The following ODR4 variants were observed in gnomAD, a reference collection of about 807,000 sequenced individuals.
ODR4 encodes protein odr-4 homolog.
A neutral mutation model predicts 60.2 loss-of-function variants in ODR4; 47 were observed. The observed-to-expected ratio is 0.78, with a 90% CI of 0.62 to 1.00. The LOEUF is 1.00. Ranked by LOEUF, ODR4 falls within the 50% of genes least tolerant of loss-of-function variation. The pLI, the probability that ODR4 is intolerant of heterozygous loss-of-function variation, is 0.00. For synonymous variants in ODR4, 178 were observed against 175.5 expected (o/e 1.01, Z -0.11); for missense variants, 488 against 530.8 (o/e 0.92, Z 0.79).
At chr1:186,411,006 ACT>A (rs1218801431) in intron 12 of ODR4, among the ~76,000 whole-genome samples, 4 of 149,952 alleles carry the variant, frequency 2.7e-5, no homozygotes, top group African/African-American at 9.8e-5. Context: ...CAAGAGCAAA[ACT>A]CTGTCTCAAA....
At chr1:186,406,701 A>G (rs910140074) in intron 12 of ODR4, among the ~76,000 whole-genome samples, 2 of 151,304 alleles carry the variant, frequency 1.3e-5, no homozygotes, top group South Asian at 2.1e-4. Context: ...TTTTTTTCAT[A>G]TACCTTTCAT....
At chr1:186,402,187 A>ATTCTTTCTTCCTTTCT (rs1381181574) in intron 11 of ODR4, among the ~76,000 whole-genome samples, 1 of 135,424 alleles carries the variant, frequency 7.4e-6, no homozygotes, top group Non-Finnish European at 1.6e-5. Flanking sequence ...TAGGCATCCT[A>ATTCTTTCTTCCTTTCT]TTCTTTCTTT....
At chr1:186,405,676 TGA>T (rs2102071051) in intron 11 of ODR4, among the ~76,000 whole-genome samples, 1 of 152,148 alleles carries the variant, frequency 6.6e-6, no homozygotes, top group South Asian at 2.1e-4. Context: ...CTCAGCCTCC[TGA>T]GTAGCTGGGA....
chr1:186,402,727 A>G (rs533504896), intron 11 of ODR4, among the ~76,000 whole-genome samples: 1 of 152,232 alleles, frequency 6.6e-6, no homozygotes, highest in Admixed American at 6.5e-5. Context: ...AGCTGGGACT[A>G]CAAGCGCACA....
downstream of ODR4, among the ~76,000 whole-genome samples, chr1:186,423,437 C>A (rs991552962): frequency 9.0e-6 from 1 of 111,196 alleles, no homozygotes; most frequent in Non-Finnish European, 1.8e-5. Flanking sequence ...ATCACCACTA[C>A]TTGTGCTTTT....
intron 12 of ODR4, among the ~76,000 whole-genome samples, chr1:186,411,184 G>T (rs942275368): frequency 2.0e-5 from 3 of 152,078 alleles, no homozygotes; most frequent in African/African-American, 7.2e-5. Context: ...TCAGATTTTG[G>T]ATTCTTGGGT....
intron 3 of ODR4, among the ~76,000 whole-genome samples, 185 bp from the exon 4 acceptor site, chr1:186,385,802 GT>G (rs1404281190): frequency 6.6e-6 from 1 of 152,088 alleles, no homozygotes; most frequent in African/African-American, 2.4e-5. Context: ...AAATATTTCA[GT>G]CTTTGATCTC....
At chr1:186,403,043 T>C (rs778336212) in intron 11 of ODR4, among the ~76,000 whole-genome samples, 103 of 152,314 alleles carry the variant, frequency 6.8e-4, no homozygotes, top group African/African-American at 2.2e-3. Context: ...GAACAACTTA[T>C]GTTAATTGTC....
At chr1:186,433,368 G>T in the ODR4 span, among the ~76,000 whole-genome samples, 1 of 151,190 alleles carries the variant, frequency 6.6e-6, no homozygotes, top group African/African-American at 2.4e-5. Flanking sequence ...TTTATTCCTT[G>T]AACACAGAAG....
At chr1:186,400,037 G>A (rs1197889342) in intron 11 of ODR4, among the ~76,000 whole-genome samples, 1 of 138,622 alleles carries the variant, frequency 7.2e-6, no homozygotes, top group African/African-American at 2.7e-5. Context: ...TGTCGCCCAG[G>A]CTGGAGTGCA....
At chr1:186,423,966 T>G (rs1159434991), downstream of ODR4, among the ~76,000 whole-genome samples, 1 of 152,210 alleles carries the variant, frequency 6.6e-6, no homozygotes, top group African/African-American at 2.4e-5. Context: ...TCTTTCACAC[T>G]GCAGATAGGA....
chr1:186,424,008 C>T (rs1434609112), downstream of ODR4, among the ~76,000 whole-genome samples: 7 of 152,282 alleles, frequency 4.6e-5, no homozygotes, highest in East Asian at 1.4e-3. Flanking sequence ...GCTCAGAAAG[C>T]AATTTGGCAC....
the ODR4 span, among the ~76,000 whole-genome samples, chr1:186,428,884 TGGTTCATG>T: frequency 6.6e-6 from 1 of 152,208 alleles, no homozygotes; most frequent in Non-Finnish European, 1.5e-5. Flanking sequence ...TATATGGGCA[TGGTTCATG>T]GAACCCCAAA....
chr1:186,393,406 A>G (rs940122073), intron 8 of ODR4, among the ~76,000 whole-genome samples: 2 of 152,232 alleles, frequency 1.3e-5, no homozygotes, highest in Non-Finnish European at 2.9e-5. Context: ...CAAAGGCCAC[A>G]TGTTGTTCTG....
At chr1:186,392,028 G>A (rs12068740) in intron 8 of ODR4, among the ~76,000 whole-genome samples, 43,859 of 151,782 alleles carry the variant, frequency 0.29, 6,880 homozygotes, top group Admixed American at 0.38. Flanking sequence ...AGAATCGTAT[G>A]AAAAAAAACT....
At chr1:186,431,709 C>T in the ODR4 span, among the ~76,000 whole-genome samples, 1 of 152,064 alleles carries the variant, frequency 6.6e-6, no homozygotes, top group African/African-American at 2.4e-5. Context: ...ACAAAATCAC[C>T]ATTTGCAAGC....
rs757953647 is a variant in ODR4 at position 186,389,626 on chromosome 1, T to G, written c.474+2T>G. On this transcript the variant is annotated splice_donor_variant, in intron 6 of 13. Coordinates refer to ENST00000287859, the MANE Select transcript of ODR4 (RefSeq NM_017847.6). LOFTEE classifies it high-confidence loss of function. ...ACTTATGATATCCATGATCCAAAGGTAAGAAATTTACTCTTTAAAGATTTT... is the reference window on the plus strand; with the variant it reads ...ACTTATGATATCCATGATCCAAAGGGAAGAAATTTACTCTTTAAAGATTTT... 1 of 1,508,868 alleles carries G rather than the reference T, an allele frequency of 6.6e-7. No individual in the cohort carries two copies. Among genetic ancestry groups the G allele is most frequent in the Non-Finnish European group, 9.0e-7 (1 of 1,114,198 alleles). The allele number at this position is 1,508,868 out of a possible 1,614,324, so 93.5% of individuals were successfully genotyped here. A position where few individuals can be genotyped will look rare whatever the true frequency, so the allele number is the denominator to read the frequency against.
Position 186,404,575 on chromosome 1 carries a change from A to G in ODR4, c.1001-1508A>G, listed in dbSNP as rs1388723236. On this transcript the variant is annotated intron_variant, in intron 11 of 13. Coordinates refer to ENST00000287859, the MANE Select transcript of ODR4 (RefSeq NM_017847.6). ...ATAAAATAATATAGTCCTAATTTCA[A>G]TGTGTGGACAATTTTCGTGCTACAG... is the stretch of plus-strand genomic sequence containing the variant. 4.6e-5 allele frequency among the ~76,000 whole-genome samples: 7 copies of G among 152,306 alleles called. No individual in the cohort carries two copies. In the East Asian group the frequency reaches 1.4e-3, roughly 29 times the overall value.
Position 186,383,160 on chromosome 1 carries a change from A to G in ODR4, c.234+4A>G, listed in dbSNP as rs1186185292. ...GGCCACAGAACATGCCTGCCAGGTT[A>G]TCTTATTTTTTTGTTTATATGTTTA... On this transcript the variant is annotated splice_donor_region_variant and intron_variant, in intron 3 of 13. Coordinates refer to ENST00000287859, the MANE Select transcript of ODR4 (RefSeq NM_017847.6). 1 of 1,540,304 alleles carries G rather than the reference A, an allele frequency of 6.5e-7. No individual in the cohort carries two copies. Among genetic ancestry groups the G allele is most frequent in the Non-Finnish European group, 8.7e-7 (1 of 1,144,470 alleles).
Sources: gnomAD v4.1 joint callset for allele counts (sites outside exome capture counted in the v4.1 genomes callset) on GRCh38, gnomAD v4.1.1 for gene constraint, MANE v1.5 for transcripts, NCBI Gene and HGNC (gene_info 2026-07-23, HGNC 2026-07-21) for gene names.